The following NAV2 variants were observed in gnomAD, a reference collection of about 807,000 sequenced individuals.
The protein encoded by NAV2 is helicase, APC down-regulated 1.
In NAV2, 54 loss-of-function variants were observed where a neutral mutation model predicts 223.2. The ratio of observed to expected loss-of-function variants is 0.24; its 90% CI spans 0.19 to 0.30. The LOEUF (loss-of-function observed/expected upper bound fraction) is 0.30. NAV2 is among the 10% of genes least tolerant of loss of function. The pLI, the probability that NAV2 is intolerant of heterozygous loss-of-function variation, is 1.00. For missense variants in NAV2, 2,806 were observed against 3,147.5 expected, an observed-to-expected ratio of 0.89 and a Z score of 2.60; for synonymous variants, 1,279 against 1,239.3, an observed-to-expected ratio of 1.03 and a Z score of -0.67.
Position 19,638,591 on chromosome 11 carries a change from A to G in NAV2, c.76-193893A>G, listed in dbSNP as rs143613947. Reference sequence around the variant, plus strand: ...CTTATATGCATTAACTCATTTTATTATCACAATGACAGCATAAAGTATTTT... The same window carrying G: ...CTTATATGCATTAACTCATTTTATTGTCACAATGACAGCATAAAGTATTTT... On this transcript the variant is annotated intron_variant, in intron 1 of 37. Transcript: ENST00000360655. Among the ~76,000 whole-genome samples the G allele has an allele frequency of 3.4e-4, 52 of 152,352 alleles. 1 individual carries two copies. The East Asian group carries it at 9.8e-3, about 29-fold the overall frequency.
At chr11:19,813,003 T>C (rs2058915156) in intron 1 of NAV2, among the ~76,000 whole-genome samples, 1 of 152,096 alleles carries the variant, frequency 6.6e-6, no homozygotes. Context: ...CATTCCCTTG[T>C]TGGAATCTGG....
chr11:19,908,783 T>C lies in NAV2; in HGVS notation c.931+16189T>C, dbSNP rs561503322. ...TAGACACAAAAGGCCAAATATTGTA[T>C]GATTCCGTTTATATGAAATCTCCAG... On this transcript the variant is annotated intron_variant, in intron 6 of 37. Transcript: ENST00000349880. Among the ~76,000 whole-genome samples the C allele has an allele frequency of 3.9e-5, 6 of 152,288 alleles. No homozygotes were observed. The South Asian group carries it at 1.2e-3, about 32-fold the overall frequency.
intron 1 of NAV2, among the ~76,000 whole-genome samples, chr11:19,593,262 G>C (rs187812531): frequency 6.6e-6 from 1 of 152,180 alleles, no homozygotes; most frequent in African/African-American, 2.4e-5. Flanking sequence ...GACCTTTTAA[G>C]CTTGGCTTTT....
rs557197276 is a variant in NAV2 at position 19,496,983 on chromosome 11, C to T, written c.75+145956C>T. 1.7e-4 allele frequency among the ~76,000 whole-genome samples: 26 copies of T among 152,298 alleles called. No individual in the cohort carries two copies. In the South Asian group the frequency reaches 5.4e-3, roughly 32 times the overall value. On this transcript the variant is annotated intron_variant, in intron 1 of 37. Transcript: ENST00000360655. The stretch of plus-strand genomic sequence containing the variant: ...TTACCATTTGTGTGTGGATACGTTA[C>T]CTAATCTTTCTATGCCTTGGATCCC...
At chr11:19,675,802 T>A (rs1448543634) in intron 1 of NAV2, among the ~76,000 whole-genome samples, 1 of 152,220 alleles carries the variant, frequency 6.6e-6, no homozygotes, top group African/African-American at 2.4e-5. Context: ...AACTAATTGA[T>A]ATTTGTACAG....
chr11:20,048,979 G>A lies in NAV2; in HGVS notation c.4154G>A (p.Gly1385Asp), dbSNP rs770120548. 3 of 1,614,016 alleles carry A rather than the reference G, an allele frequency of 1.9e-6. No homozygotes were observed. The highest frequency in any genetic ancestry group is 1.7e-6 in the Non-Finnish European group (2 of 1,180,032). ...HSAPSNSLTW[G>D]TNASSSSAVS... ...GCCCCTTCCAACAGCCTCACCTGGGGCACCAACGCCAGCAGCTCCTCCGCA... is the reference window on the plus strand; with the variant it reads ...GCCCCTTCCAACAGCCTCACCTGGGACACCAACGCCAGCAGCTCCTCCGCA... The change falls in exon 15 of 38, where the codon GGC becomes GAC. Residue 1385 changes from glycine (G) to aspartate (D), a missense_variant. Gly to Asp is a moderately conservative substitution (Grantham distance 94). Coordinates refer to ENST00000349880, the MANE Select transcript of NAV2 (RefSeq NM_145117.5).
intron 11 of NAV2, among the ~76,000 whole-genome samples, chr11:20,017,954 T>TC (rs2054152733): frequency 6.6e-6 from 1 of 152,008 alleles, no homozygotes; most frequent in Non-Finnish European, 1.5e-5. Context: ...CCTTCCTCCC[T>TC]CCCTCCCTTC....
rs78814418 is a variant in NAV2, at chr11:20,068,179, T to C, written c.4885-7T>C. The stretch of plus-strand genomic sequence containing the variant: ...CTGGTCTAATTTCCTTTATGTTTTC[T>C]TTACAGCCAGAAGAAAAATGCCAGT... On this transcript the variant is annotated splice_polypyrimidine_tract_variant and splice_region_variant and intron_variant, in intron 20 of 37. Transcript: ENST00000349880. The C allele has an allele frequency of 5.4e-3, 8,754 of 1,613,916 alleles. 278 individuals carry two copies. The East Asian group carries it at 0.096, about 18-fold the overall frequency.
Position 19,498,805 on chromosome 11 carries a change from A to C in NAV2, c.75+147778A>C, listed in dbSNP as rs74867080. Among the ~76,000 whole-genome samples the C allele has an allele frequency of 6.4e-4, 98 of 152,338 alleles. No individual in the cohort carries two copies. The East Asian group carries it at 0.015, about 24-fold the overall frequency. ...TGCTCTGAAGTAGATTCTTCTCAAG[A>C]ATCTGGGTTCCGCATGTGCTGTTGG... is the stretch of plus-strand genomic sequence containing the variant. On this transcript the variant is annotated intron_variant, in intron 1 of 37. Transcript: ENST00000360655.
At chr11:19,593,749 A>G (rs1026470053) in intron 1 of NAV2, among the ~76,000 whole-genome samples, 1 of 9,054 alleles carries the variant, frequency 1.1e-4, no homozygotes, top group South Asian at 0.12. Context: ...AAAGGTATGT[A>G]GTGACACCTT....
intron 10 of NAV2, among the ~76,000 whole-genome samples, chr11:19,962,443 C>A (rs2048419422): frequency 6.6e-6 from 1 of 152,112 alleles, no homozygotes; most frequent in South Asian, 2.1e-4. Flanking sequence ...GCAGGCCTTG[C>A]CATATGATCA....
At chr11:19,703,020 T>A (rs1172376364) in intron 1 of NAV2, among the ~76,000 whole-genome samples, 2 of 151,466 alleles carry the variant, frequency 1.3e-5, no homozygotes, top group South Asian at 2.1e-4. Flanking sequence ...ATTCCTTCCT[T>A]CTTTTTCCTT....
At chr11:19,824,066 C>T (rs1320847338) in intron 1 of NAV2, among the ~76,000 whole-genome samples, 1 of 152,128 alleles carries the variant, frequency 6.6e-6, no homozygotes, top group African/African-American at 2.4e-5. Context: ...ATGACTTATT[C>T]CTCCAAAACT....
chr11:20,108,767 C>A (rs74232592), intron 36 of NAV2, among the ~76,000 whole-genome samples: 1 of 152,158 alleles, frequency 6.6e-6, no homozygotes, highest in East Asian at 1.9e-4. Context: ...AGCAAAAATT[C>A]TTTACTTCTC....
intron 1 of NAV2, among the ~76,000 whole-genome samples, chr11:19,399,375 C>A (rs560107922): frequency 6.6e-6 from 1 of 152,192 alleles, no homozygotes; most frequent in African/African-American, 2.4e-5. Flanking sequence ...AATGCAGGCG[C>A]CTTCCTTCTC....
chr11:19,436,042 T>C (rs1303477813), intron 1 of NAV2, among the ~76,000 whole-genome samples: 1 of 152,188 alleles, frequency 6.6e-6, no homozygotes, highest in African/African-American at 2.4e-5. Context: ...TATTAATTGC[T>C]TCCTTTGTTG....
At chr11:19,634,498 T>C (rs1361375583) in intron 1 of NAV2, among the ~76,000 whole-genome samples, 1 of 152,234 alleles carries the variant, frequency 6.6e-6, no homozygotes, top group Non-Finnish European at 1.5e-5. Context: ...AAGTTTTTTT[T>C]AATTGTGTAA....
At chr11:20,047,526 G>A (rs1282078380) in intron 14 of NAV2, among the ~76,000 whole-genome samples, 1 of 152,170 alleles carries the variant, frequency 6.6e-6, no homozygotes, top group Non-Finnish European at 1.5e-5. Flanking sequence ...ATGAGATTTG[G>A]GTTTCCTAAT....
chr11:20,118,171 C>T lies in NAV2; in HGVS notation c.7203C>T (p.Tyr2401=), dbSNP rs1327199428. The change falls in exon 38 of 38, where the codon TAC becomes TAT. Residue 2401 remains tyrosine, a synonymous_variant. Coordinates refer to ENST00000349880, the MANE Select transcript of NAV2 (RefSeq NM_145117.5). ...TGAGGCTGCAGGAGGCAGCCAACTA[C>T]TCCAGCCCCCAGAGCTATGACAGCG... ...MLMRLQEAAN[Y]SSPQSYDSDS... The T allele has an allele frequency of 2.5e-6, 4 of 1,613,950 alleles. No individual in the cohort carries two copies. The South Asian group carries it at 3.3e-5, about 13-fold the overall frequency.
Sources: gnomAD v4.1 joint callset for allele counts (sites outside exome capture counted in the v4.1 genomes callset) on GRCh38, gnomAD v4.1.1 for gene constraint, MANE v1.5 for transcripts, NCBI Gene and HGNC (gene_info 2026-07-23, HGNC 2026-07-21) for gene names.